The following RYR2 variants were observed in gnomAD, a reference collection of about 807,000 sequenced individuals.
RYR2 encodes the protein cardiac muscle ryanodine receptor-calcium release channel.
In RYR2, 227 loss-of-function variants were observed where a neutral mutation model predicts 601.1. The ratio of observed to expected loss-of-function variants is 0.38; its 90% CI spans 0.34 to 0.42. The LOEUF is 0.42. RYR2 is among the 10% of genes least tolerant of loss of function. RYR2 has a pLI of 1.00. For missense variants in RYR2, 4,646 were observed against 6,156.5 expected, an observed-to-expected ratio of 0.75 and a Z score of 8.21; for synonymous variants, 2,223 against 2,175.1, an observed-to-expected ratio of 1.02 and a Z score of -0.61.
intron 3 of RYR2, among the ~76,000 whole-genome samples, chr1:237,337,573 G>A (rs781515901): frequency 2.6e-5 from 4 of 152,136 alleles, no homozygotes; most frequent in Non-Finnish European, 5.9e-5. Context: ...CATTTATAAT[G>A]TGGGGAAAAT....
intron 40 of RYR2, 125 bp downstream of exon 40, chr1:237,625,929 T>A: frequency 9.5e-7 from 1 of 1,048,564 alleles, no homozygotes; most frequent in Middle Eastern, 2.1e-4. Flanking sequence ...AGAATCAGAC[T>A]CTTAAGTAGA....
intron 17 of RYR2, among the ~76,000 whole-genome samples, chr1:237,479,968 G>T (rs780206275): frequency 6.6e-6 from 1 of 152,172 alleles, no homozygotes; most frequent in Non-Finnish European, 1.5e-5. Flanking sequence ...CTGTCTGTAA[G>T]CTCTATGAGA....
Position 237,792,165 on chromosome 1 carries a change from G to A in RYR2, c.13624G>A (p.Ala4542Thr), listed in dbSNP as rs1296705206. Residue 4542 changes from alanine to threonine, a missense_variant, in exon 94 of 105, where the codon GCC becomes ACC. Around this residue, in one of 17 missense-constraint regions of RYR2, gnomAD observed 364 missense variants for 442.9 expected, o/e 0.82. Transcript: ENST00000366574. Reference sequence around the variant, plus strand: ...CCCCACGAGAAGTTCAAGTGAAAATGCCAAAGTGACAAGCCTGGACAGCAG... The same window carrying A: ...CCCCACGAGAAGTTCAAGTGAAAATACCAAAGTGACAAGCCTGGACAGCAG... Reference protein sequence around the residue: ...ELPTRSSSENAKVTSLDSSSH... With the variant: ...ELPTRSSSENTKVTSLDSSSH... 4 of 1,612,042 alleles carry A rather than the reference G, an allele frequency of 2.5e-6. No individual in the cohort carries two copies. The highest frequency in any genetic ancestry group is 3.4e-6 in the Non-Finnish European group (4 of 1,179,072).
At chr1:237,165,138 T>TG (rs1285681264) in intron 1 of RYR2, among the ~76,000 whole-genome samples, 2 of 152,114 alleles carry the variant, frequency 1.3e-5, no homozygotes, top group Admixed American at 6.5e-5. Flanking sequence ...TTTTTTTTTT[T>TG]GTAGAGATGG....
At chr1:237,749,498 C>T (rs866207264) in intron 80 of RYR2, among the ~76,000 whole-genome samples, 2 of 151,916 alleles carry the variant, frequency 1.3e-5, no homozygotes, top group Non-Finnish European at 2.9e-5. Context: ...CAGGGAAGCC[C>T]ATAGATAAAC....
intron 1 of RYR2, among the ~76,000 whole-genome samples, chr1:237,245,773 T>C (rs1351123490): frequency 2.0e-5 from 3 of 152,210 alleles, no homozygotes; most frequent in Non-Finnish European, 4.4e-5. Context: ...CTGCTTGTTT[T>C]GATCTGTTTT....
chr1:237,592,452 GT>G (rs1216085894), intron 32 of RYR2, among the ~76,000 whole-genome samples: 1 of 152,062 alleles, frequency 6.6e-6, no homozygotes, highest in Admixed American at 6.6e-5. Context: ...GGCCAACATG[GT>G]GAAACGCTGT....
At position 237,369,540 on chromosome 1, in the gene RYR2, C is replaced by A; in HGVS notation, c.316C>A (p.Gln106Lys). 1 of 1,561,636 alleles carries A rather than the reference C, an allele frequency of 6.4e-7. No individual in the cohort carries two copies. Among genetic ancestry groups the A allele is most frequent in the Non-Finnish European group, 8.7e-7 (1 of 1,151,314 alleles). ...EKWKFMMKTA[Q>K]GGGHRTLLYG... ...TTTTCTCTTCTCTCTAAAGACTGCT[C>A]AAGGTGGTGGTCATCGAACACTCCT... Residue 106 changes from glutamine (Q) to lysine (K), a missense_variant, in exon 6 of 105, where the codon CAA becomes AAA. Coordinates refer to ENST00000366574, the MANE Select transcript of RYR2 (RefSeq NM_001035.3).
chr1:237,285,607 TC>T (rs1421130178), intron 2 of RYR2, among the ~76,000 whole-genome samples: 1 of 152,216 alleles, frequency 6.6e-6, no homozygotes, highest in Non-Finnish European at 1.5e-5. Flanking sequence ...GGGTACCAAT[TC>T]TTCTTTGAAT....
chr1:237,499,676 TAA>T (rs11331256), intron 20 of RYR2, among the ~76,000 whole-genome samples: 3 of 151,058 alleles, frequency 2.0e-5, no homozygotes, highest in South Asian at 2.1e-4. Flanking sequence ...GTGTCCACAT[TAA>T]AAAAAAAATA....
chr1:237,413,128 A>T, intron 10 of RYR2, among the ~76,000 whole-genome samples: 1 of 152,212 alleles, frequency 6.6e-6, no homozygotes, highest in East Asian at 1.9e-4. Flanking sequence ...AGACTTGATT[A>T]GACAACCATT....
At chr1:237,280,274 A>G (rs1690723654) in intron 2 of RYR2, among the ~76,000 whole-genome samples, 1 of 152,208 alleles carries the variant, frequency 6.6e-6, no homozygotes, top group African/African-American at 2.4e-5. Context: ...CACTTCATAT[A>G]TAGTTTATGA....
intron 14 of RYR2, among the ~76,000 whole-genome samples, chr1:237,448,448 T>C (rs1657658680): frequency 6.6e-6 from 1 of 152,212 alleles, no homozygotes; most frequent in South Asian, 2.1e-4. Context: ...ATGTTTCATG[T>C]GAATTTGAAA....
intron 2 of RYR2, among the ~76,000 whole-genome samples, chr1:237,282,345 C>T (rs990277096): frequency 6.6e-6 from 1 of 152,048 alleles, no homozygotes; most frequent in Non-Finnish European, 1.5e-5. Context: ...TACTTACGGG[C>T]ACTGAAAATT....
intron 38 of RYR2, among the ~76,000 whole-genome samples, chr1:237,622,261 TG>T (rs1359359050): frequency 6.6e-6 from 1 of 152,198 alleles, no homozygotes; most frequent in East Asian, 1.9e-4. Flanking sequence ...GCAGTTTAAC[TG>T]AACCATTAAT....
At chr1:237,054,254 C>G (rs1661672970) in intron 1 of RYR2, among the ~76,000 whole-genome samples, 1 of 147,426 alleles carries the variant, frequency 6.8e-6, no homozygotes, top group Non-Finnish European at 1.5e-5. Flanking sequence ...CTTTATCCAT[C>G]ACTTCCTCCC....
chr1:237,642,353 A>G (rs998054296), intron 47 of RYR2, among the ~76,000 whole-genome samples: 1 of 152,212 alleles, frequency 6.6e-6, no homozygotes, highest in Admixed American at 6.5e-5. Context: ...CTTTGCTGCT[A>G]GTAAGATTCT....
intron 27 of RYR2, among the ~76,000 whole-genome samples, chr1:237,559,788 C>G (rs980823070): frequency 2.6e-5 from 4 of 152,014 alleles, no homozygotes; most frequent in Non-Finnish European, 5.9e-5. Context: ...TGTATTCGCC[C>G]CTATTTCAGA....
rs533362755 is a variant in RYR2, at chr1:237,614,369, C to G, written c.5241C>G (p.Gly1747=). Residue 1747 remains glycine (G), a synonymous_variant, in exon 37 of 105, where the codon GGC becomes GGG. Coordinates refer to ENST00000366574, the MANE Select transcript of RYR2 (RefSeq NM_001035.3). The surrounding 1 kb of genome is among the most constrained non-coding windows in gnomAD (Gnocchi z 4.3). ...TLFPDENKKH[G]LPGIGLSTSL... ...TCCCTGATGAGAACAAAAAACACGG[C>G]CTTCCAGGGATCGGCCTCAGCACCT... is the stretch of plus-strand genomic sequence containing the variant. The G allele has an allele frequency of 2.3e-5, 37 of 1,614,008 alleles. No homozygotes were observed. The South Asian group carries it at 4.1e-4, about 18-fold the overall frequency.
Sources: allele counts gnomAD v4.1 joint callset (sites outside exome capture counted in the v4.1 genomes callset), GRCh38; gene constraint gnomAD v4.1.1; regional missense constraint gnomAD v4.1.1; non-coding constraint Gnocchi (gnomAD v3.1); transcripts MANE v1.5; gene names NCBI Gene and HGNC (gene_info 2026-07-23, HGNC 2026-07-21).